PAFAH1B1: variants seen among roughly 807,000 people sequenced by gnomAD.
PAFAH1B1 encodes platelet-activating factor acetylhydrolase IB subunit beta.
Under a neutral mutation model 57.5 loss-of-function variants are expected in PAFAH1B1, and 2 were observed. The ratio of observed to expected loss-of-function variants is 0.03; its 90% CI spans 0.01 to 0.11. The LOEUF (loss-of-function observed/expected upper bound fraction) is 0.11, where lower values mean the gene tolerates loss of function less well. Among genes scored for constraint, PAFAH1B1 ranks in the 10% least tolerant of loss-of-function variants. The pLI is 1.00. For missense variants in PAFAH1B1, 257 were observed against 512.0 expected (o/e 0.50, Z 4.81); for synonymous variants, 152 against 169.6 (o/e 0.90, Z 0.81).
intron 1 of PAFAH1B1, among the ~76,000 whole-genome samples, chr17:2,614,437 C>T (rs2068312408): frequency 6.6e-6 from 1 of 152,094 alleles, no homozygotes; most frequent in Non-Finnish European, 1.5e-5. Flanking sequence ...TTGCTGACCC[C>T]TGGTCTAGAT....
At chr17:2,656,647 T>C (rs1042510922) in intron 2 of PAFAH1B1, among the ~76,000 whole-genome samples, 2 of 152,232 alleles carry the variant, frequency 1.3e-5, no homozygotes, top group Non-Finnish European at 2.9e-5. Flanking sequence ...AATTGGAAGC[T>C]ATATTTAATC....
At chr17:2,648,193 C>T (rs1236380965) in intron 2 of PAFAH1B1, among the ~76,000 whole-genome samples, 1 of 152,048 alleles carries the variant, frequency 6.6e-6, no homozygotes, top group African/African-American at 2.4e-5. Flanking sequence ...CATTAGATCT[C>T]ATGAGAGCTT....
chr17:2,617,657 C>T (rs1048208773), intron 1 of PAFAH1B1, among the ~76,000 whole-genome samples: 6 of 152,180 alleles, frequency 3.9e-5, no homozygotes, highest in Non-Finnish European at 8.8e-5. Flanking sequence ...GTGGCTCACG[C>T]CTGTAATCCC....
At chr17:2,609,194 G>T (rs1158996156) in intron 1 of PAFAH1B1, among the ~76,000 whole-genome samples, 1 of 152,140 alleles carries the variant, frequency 6.6e-6, no homozygotes, top group African/African-American at 2.4e-5. Context: ...CCCCCTGCTG[G>T]AGATGGGGTC....
chr17:2,676,466 C>A (rs771992308), intron 8 of PAFAH1B1, 39 bp from the exon 9 acceptor site: 26 of 1,271,032 alleles, frequency 2.0e-5, no homozygotes, highest in Non-Finnish European at 2.8e-5. Context: ...TACCTAACTT[C>A]TTGTGTGGGA....
At chr17:2,596,185 T>C (rs2068082536) in intron 1 of PAFAH1B1, among the ~76,000 whole-genome samples, 1 of 152,154 alleles carries the variant, frequency 6.6e-6, no homozygotes. Context: ...TGTGTGTGTG[T>C]ATATATTAAT....
At chr17:2,633,018 A>G (rs1247899209) in intron 1 of PAFAH1B1, among the ~76,000 whole-genome samples, 2 of 152,056 alleles carry the variant, frequency 1.3e-5, no homozygotes, top group African/African-American at 2.4e-5. Flanking sequence ...CACCAATATA[A>G]ACTGTAGTTA....
In PAFAH1B1 at chr17:2,679,434, ATGGT is replaced by A. The variant is rs1324892014; in HGVS notation, c.1003-726_1003-723del. Among the ~76,000 whole-genome samples, 3 of 150,684 alleles carry A rather than the reference ATGGT, an allele frequency of 2.0e-5. No individual in the cohort carries two copies. In the South Asian group the frequency reaches 6.3e-4, roughly 32 times the overall value. ...GATGGATGGATAGATGGATGATTGG[ATGGT>A]TGGATGGATAGATGGATGATTGGAT... On this transcript the variant is annotated intron_variant, in intron 9 of 10. Transcript: ENST00000397195.
intron 1 of PAFAH1B1, among the ~76,000 whole-genome samples, chr17:2,624,407 A>T (rs1349521799): frequency 6.6e-6 from 1 of 152,142 alleles, no homozygotes; most frequent in African/African-American, 2.4e-5. Context: ...CTTGCTGCTG[A>T]TACAGACATA....
chr17:2,674,401 G>A (rs1448386701), intron 8 of PAFAH1B1, 113 bp downstream of exon 8: 4 of 768,104 alleles, frequency 5.2e-6, no homozygotes, highest in Non-Finnish European at 9.2e-6. Context: ...TCTGCATCCA[G>A]CAATTCTGAA....
intron 2 of PAFAH1B1, among the ~76,000 whole-genome samples, chr17:2,656,412 A>C (rs1311008764): frequency 6.6e-6 from 1 of 151,522 alleles, no homozygotes; most frequent in Non-Finnish European, 1.5e-5. Flanking sequence ...ATTGTGCCAC[A>C]GCACTCCAGC....
At chr17:2,633,399 C>G (rs1003281988) in intron 1 of PAFAH1B1, among the ~76,000 whole-genome samples, 11 of 151,382 alleles carry the variant, frequency 7.3e-5, no homozygotes, top group African/African-American at 2.7e-4. Context: ...AACTCCTGAC[C>G]TCAGGTAATC....
rs2069454573 is a variant in PAFAH1B1, at chr17:2,685,088, T to C, written c.*3286T>C. 6.7e-6 allele frequency: 1 copy of C among 149,286 alleles called. No homozygotes were observed. Among genetic ancestry groups the C allele is most frequent in the African/African-American group, 2.5e-5 (1 of 40,394 alleles). 9.2% of individuals were successfully genotyped at this position (149,286 alleles called of 1,614,324 possible). Reference sequence around the variant, plus strand: ...TGTATATAAGTCCAGTGTGTTCATCTAGATGACGCAAAGAATCTCCTGGTA... The same window carrying C: ...TGTATATAAGTCCAGTGTGTTCATCCAGATGACGCAAAGAATCTCCTGGTA... On this transcript the variant is annotated 3_prime_UTR_variant, in exon 11 of 11. Transcript: ENST00000397195.
chr17:2,666,130 TTA>T (rs760728560), intron 4 of PAFAH1B1, 40 bp downstream of exon 4: 14 of 1,344,330 alleles, frequency 1.0e-5, no homozygotes, highest in Non-Finnish European at 1.4e-5. Context: ...TTGTATTCAG[TTA>T]TATAAACTTT....
chr17:2,675,230 T>C (rs1750501752), intron 8 of PAFAH1B1, among the ~76,000 whole-genome samples: 1 of 152,128 alleles, frequency 6.6e-6, no homozygotes. Flanking sequence ...CTCAAACTCA[T>C]GGCCTCAAGT....
intron 2 of PAFAH1B1, among the ~76,000 whole-genome samples, chr17:2,663,513 A>G (rs1267879757): frequency 6.6e-6 from 1 of 151,954 alleles, no homozygotes; most frequent in Non-Finnish European, 1.5e-5. Context: ...TCAGCCTCCC[A>G]AAGTGCTGGG....
chr17:2,667,212 A>C lies in PAFAH1B1; in HGVS notation c.399+14A>C, dbSNP rs1013720755. Reference sequence around the variant, plus strand: ...GCTACAATTAAGGTAATTTTTTGTTAAAAGCAGACTTAACGGGAGGCTGAA... The same window carrying C: ...GCTACAATTAAGGTAATTTTTTGTTCAAAGCAGACTTAACGGGAGGCTGAA... On this transcript the variant is annotated intron_variant, in intron 5 of 10. Coordinates refer to ENST00000397195, the MANE Select transcript of PAFAH1B1 (RefSeq NM_000430.4). 2.9e-5 allele frequency: 46 copies of C among 1,597,380 alleles called. No individual in the cohort carries two copies. Among genetic ancestry groups the C allele is most frequent in the Non-Finnish European group, 3.9e-5 (45 of 1,164,910 alleles).
chr17:2,599,971 CTTTTTTTT>C (rs34442256), intron 1 of PAFAH1B1, among the ~76,000 whole-genome samples: 1 of 82,792 alleles, frequency 1.2e-5, no homozygotes, highest in Non-Finnish European at 2.2e-5. Context: ...CATTTTTAAC[CTTTTTTTT>C]TTTTTTTTTT....
intron 4 of PAFAH1B1, 117 bp downstream of exon 4, chr17:2,666,207 T>C (rs891401095): frequency 4.9e-6 from 5 of 1,014,084 alleles, no homozygotes; most frequent in Middle Eastern, 3.4e-4. Flanking sequence ...CAAATAAAAA[T>C]ACATTTTTTG....
Sources: allele counts gnomAD v4.1 joint callset (sites outside exome capture counted in the v4.1 genomes callset), GRCh38; gene constraint gnomAD v4.1.1; transcripts MANE v1.5; gene names NCBI Gene and HGNC (gene_info 2026-07-23, HGNC 2026-07-21).